SHCBP1L: variants seen among roughly 807,000 people sequenced by gnomAD.
The protein encoded by SHCBP1L is testicular spindle-associated protein SHCBP1L.
A neutral mutation model predicts 62.5 loss-of-function variants in SHCBP1L; 67 were observed. The observed-to-expected ratio is 1.07, with a 90% CI of 0.88 to 1.31. SHCBP1L has a LOEUF of 1.31. Ranked by LOEUF, SHCBP1L falls within the 40% of genes most tolerant of loss-of-function variation. SHCBP1L has a pLI of 0.00. For synonymous variants in SHCBP1L, 284 were observed against 289.4 expected (o/e 0.98, Z 0.19); for missense variants, 823 against 809.8 (o/e 1.02, Z -0.20).
chr1:182,930,551 G>GTGTA lies in SHCBP1L; in HGVS notation c.1077-800_1077-799insTACA, dbSNP rs1399656724. The stretch of plus-strand genomic sequence containing the variant: ...AAGAGGATGTGGCTTTAGTGTGTGT[G>GTGTA]TATATATATATATATATATATATAT... On this transcript the variant is annotated intron_variant, in intron 5 of 9. Coordinates refer to ENST00000367547, the MANE Select transcript of SHCBP1L (RefSeq NM_030933.4). Among the ~76,000 whole-genome samples the GTGTA allele has an allele frequency of 8.9e-4, 44 of 49,464 alleles. 1 individual carries two copies. In the East Asian group the frequency reaches 0.015, roughly 17 times the overall value. 32.5% of individuals were successfully genotyped at this position (49,464 alleles called of 152,430 possible).
At chr1:182,944,110 G>A (rs939251286) in intron 2 of SHCBP1L, among the ~76,000 whole-genome samples, 1 of 57,898 alleles carries the variant, frequency 1.7e-5, no homozygotes, top group Non-Finnish European at 2.8e-5. Flanking sequence ...AACAGAGCAA[G>A]ACTACTTCTC....
chr1:182,918,115 CAT>C (rs1330586477), intron 6 of SHCBP1L, among the ~76,000 whole-genome samples: 17 of 146,748 alleles, frequency 1.2e-4, no homozygotes, highest in Non-Finnish European at 2.4e-4. Flanking sequence ...TATACACACA[CAT>C]ATATACGTGT....
At chr1:182,942,199 T>C in intron 2 of SHCBP1L, 4 of 1,229,224 alleles carry the variant, frequency 3.3e-6, no homozygotes, top group African/African-American at 1.5e-5. Flanking sequence ...CTTTAGTTTC[T>C]TGGTTAGCCA....
rs1011445030 is a variant in SHCBP1L at position 182,929,890 on chromosome 1, C to T, written c.1077-138G>A. ...TTATAAGTTCCTTGAGAGCAATGAG[C>T]AACTTGAGAGCAATGTAATGATTCA... On this transcript the variant is annotated intron_variant, in intron 5 of 9. Transcript: ENST00000367547. 2.2e-5 allele frequency: 13 copies of T among 588,388 alleles called. No individual in the cohort carries two copies. The African/African-American group carries it at 2.4e-4, about 11-fold the overall frequency. The allele number at this position is 588,388 out of a possible 1,614,324, so 36.4% of individuals were successfully genotyped here.
chr1:182,904,008 T>A (rs1313378522), intron 8 of SHCBP1L, among the ~76,000 whole-genome samples, 172 bp downstream of exon 8: 1 of 152,220 alleles, frequency 6.6e-6, no homozygotes, highest in African/African-American at 2.4e-5. Flanking sequence ...TCATTTTTCC[T>A]AAATGTACTA....
At chr1:182,920,069 A>T (rs1650482471) in intron 6 of SHCBP1L, among the ~76,000 whole-genome samples, 1 of 152,176 alleles carries the variant, frequency 6.6e-6, no homozygotes, top group South Asian at 2.1e-4. Flanking sequence ...CCCTGCTGAT[A>T]CATGCACACC....
At chr1:182,945,886 C>T (rs1473641013) in intron 2 of SHCBP1L, among the ~76,000 whole-genome samples, 1 of 151,824 alleles carries the variant, frequency 6.6e-6, no homozygotes, top group Non-Finnish European at 1.5e-5. Context: ...ATAGTGAAAC[C>T]CCATCTCTAC....
At chr1:182,903,983 T>C (rs1214527374) in intron 8 of SHCBP1L, among the ~76,000 whole-genome samples, 197 bp downstream of exon 8, 2 of 152,224 alleles carry the variant, frequency 1.3e-5, no homozygotes, top group Non-Finnish European at 2.9e-5. Flanking sequence ...TATTCTTTAC[T>C]TTGGACCTAG....
chr1:182,905,697 A>C (rs769349509), intron 6 of SHCBP1L, 48 bp from the exon 7 acceptor site: 25 of 1,558,504 alleles, frequency 1.6e-5, no homozygotes, highest in Non-Finnish European at 2.2e-5. Flanking sequence ...GTTAAACTGA[A>C]ACATGTCATT....
chr1:182,947,647 A>C (rs73033569), intron 2 of SHCBP1L, among the ~76,000 whole-genome samples: 35,592 of 152,082 alleles, frequency 0.23, 7,327 homozygotes, highest in African/African-American at 0.56. Context: ...TCAGCCTATT[A>C]AGCATGAAGA....
chr1:182,927,537 TGGC>T (rs1404666886), intron 6 of SHCBP1L, among the ~76,000 whole-genome samples: 1 of 151,662 alleles, frequency 6.6e-6, no homozygotes, highest in East Asian at 1.9e-4. Flanking sequence ...CCGGGCGTAG[TGGC>T]GGGCGCCTGT....
In SHCBP1L at chr1:182,939,396, T is replaced by G. The variant is rs1368212277; in HGVS notation, c.858-2A>C. On this transcript the variant is annotated splice_acceptor_variant, in intron 4 of 9. Transcript: ENST00000367547. LOFTEE classifies it high-confidence loss of function. ...GTTCCATCCTGTATATCACACCACC[T>G]GAAAATTATCAACATAATTACAATG... 11 of 1,611,730 alleles carry G rather than the reference T, an allele frequency of 6.8e-6. No individual in the cohort carries two copies. Among genetic ancestry groups the G allele is most frequent in the Non-Finnish European group, 9.3e-6 (11 of 1,179,158 alleles).
intron 2 of SHCBP1L, among the ~76,000 whole-genome samples, chr1:182,941,128 A>G (rs1362431657): frequency 6.6e-6 from 1 of 151,970 alleles, no homozygotes; most frequent in African/African-American, 2.4e-5. Context: ...CACTGAATAA[A>G]GTAGCAAAAT....
chr1:182,908,434 G>A (rs1650083310), intron 6 of SHCBP1L, among the ~76,000 whole-genome samples: 1 of 152,138 alleles, frequency 6.6e-6, no homozygotes, highest in African/African-American at 2.4e-5. Flanking sequence ...CCACGCCACT[G>A]CAAAGGACAT....
rs145322323 is a variant in SHCBP1L, at chr1:182,924,939, A to G, written c.1182+4708T>C. Among the ~76,000 whole-genome samples, 139 of 101,196 alleles carry G rather than the reference A, an allele frequency of 1.4e-3. 2 individuals carry two copies. The highest frequency in any genetic ancestry group is 5.2e-3 in the African/African-American group (95 of 18,370). The allele number at this position is 101,196 out of a possible 152,430, so 66.4% of individuals were successfully genotyped here. On this transcript the variant is annotated intron_variant, in intron 6 of 9. Coordinates refer to ENST00000367547, the MANE Select transcript of SHCBP1L (RefSeq NM_030933.4). ...GAAAGGAAGGAAGGAAGGAAGGAAGAAAGAAAGAAAGAAAGAAAGAAAGAA... is the reference window on the plus strand; with the variant it reads ...GAAAGGAAGGAAGGAAGGAAGGAAGGAAGAAAGAAAGAAAGAAAGAAAGAA...
At chr1:182,915,845 C>T (rs1158866917) in intron 6 of SHCBP1L, among the ~76,000 whole-genome samples, 2 of 144,988 alleles carry the variant, frequency 1.4e-5, no homozygotes, top group African/African-American at 2.6e-5. Flanking sequence ...CTCACTCTGT[C>T]GCCCAGGCTG....
intron 1 of SHCBP1L, among the ~76,000 whole-genome samples, chr1:182,952,237 C>T (rs12567159): frequency 3.6e-3 from 222 of 62,292 alleles, no homozygotes; most frequent in East Asian, 7.6e-3. Context: ...TATATATATA[C>T]ACACACACAC....
chr1:182,906,237 CGTAA>C (rs750260498), intron 6 of SHCBP1L, among the ~76,000 whole-genome samples: 1 of 151,728 alleles, frequency 6.6e-6, no homozygotes, highest in Non-Finnish European at 1.5e-5. Context: ...TGCCCGGCAA[CGTAA>C]GTATTATTAC....
intron 6 of SHCBP1L, among the ~76,000 whole-genome samples, chr1:182,923,231 A>C (rs1435393876): frequency 2.0e-5 from 3 of 152,194 alleles, no homozygotes; most frequent in Non-Finnish European, 4.4e-5. Context: ...AAACTGAATC[A>C]GTAATAAAGA....
Sources: allele counts gnomAD v4.1 joint callset (sites outside exome capture counted in the v4.1 genomes callset), GRCh38; gene constraint gnomAD v4.1.1; transcripts MANE v1.5; gene names NCBI Gene and HGNC (gene_info 2026-07-23, HGNC 2026-07-21).